Variants in PPM1L observed in about 807,000 individuals in gnomAD.
The protein encoded by PPM1L is protein phosphatase, Mg2+/Mn2+ dependent 1L, also known as protein phosphatase 1L.
In PPM1L, 13 loss-of-function variants were observed where a neutral mutation model predicts 31.4. The observed-to-expected ratio is 0.41, with a 90% confidence interval of 0.27 to 0.66. PPM1L has a LOEUF of 0.66. PPM1L is among the 30% of genes least tolerant of loss of function. The pLI is 0.29. For synonymous variants in PPM1L, 184 were observed against 175.4 expected (o/e 1.05, Z -0.39); for missense variants, 326 against 453.7 (o/e 0.72, Z 2.56).
intron 2 of PPM1L, among the ~76,000 whole-genome samples, chr3:161,001,959 G>T (rs950208573): frequency 1.3e-5 from 2 of 151,702 alleles, no homozygotes; most frequent in African/African-American, 4.8e-5. Context: ...CTAGCATTAG[G>T]TATATCTCCC....
intron 1 of PPM1L, among the ~76,000 whole-genome samples, chr3:160,776,604 CTTTT>C (rs72051944): frequency 3.0e-5 from 4 of 132,954 alleles, no homozygotes; most frequent in Non-Finnish European, 3.2e-5. Context: ...ACCTTGGTGC[CTTTT>C]TTTTTTTTTT....
At chr3:160,873,120 G>C (rs1307595901) in intron 1 of PPM1L, among the ~76,000 whole-genome samples, 1 of 152,090 alleles carries the variant, frequency 6.6e-6, no homozygotes, top group Non-Finnish European at 1.5e-5. Context: ...CAGTTACCTT[G>C]GCATGGACTC....
chr3:160,867,633 C>G (rs80258500), intron 1 of PPM1L, among the ~76,000 whole-genome samples: 1 of 151,892 alleles, frequency 6.6e-6, no homozygotes, highest in Non-Finnish European at 1.5e-5. Flanking sequence ...AACTGTAAAC[C>G]TCAAGTTTTT....
intron 1 of PPM1L, among the ~76,000 whole-genome samples, chr3:160,916,917 T>C (rs765562228): frequency 5.3e-5 from 8 of 152,194 alleles, no homozygotes; most frequent in Non-Finnish European, 1.0e-4. Flanking sequence ...TCAAACTCTT[T>C]TTCTGCCAGT....
At chr3:160,950,156 T>C (rs1715536281) in intron 1 of PPM1L, among the ~76,000 whole-genome samples, 1 of 152,240 alleles carries the variant, frequency 6.6e-6, no homozygotes, top group South Asian at 2.1e-4. Flanking sequence ...TACACTCCAT[T>C]CCCAGGAGTC....
intron 1 of PPM1L, among the ~76,000 whole-genome samples, chr3:160,773,373 G>C (rs1397961075): frequency 7.7e-6 from 1 of 129,844 alleles, no homozygotes; most frequent in Non-Finnish European, 1.6e-5. Context: ...CCTATAATGA[G>C]TGAAAAGAGA....
chr3:160,924,991 A>G (rs1004349788), intron 1 of PPM1L, among the ~76,000 whole-genome samples: 3 of 152,236 alleles, frequency 2.0e-5, no homozygotes, highest in Non-Finnish European at 2.9e-5. Context: ...CTTAGCAAAA[A>G]TATGTAAAAA....
intron 2 of PPM1L, among the ~76,000 whole-genome samples, chr3:160,971,679 G>GT (rs1716346642): frequency 6.6e-6 from 1 of 152,146 alleles, no homozygotes; most frequent in African/African-American, 2.4e-5. Flanking sequence ...ATAATGCCTT[G>GT]TTTTCTTCTT....
At chr3:160,821,953 A>C (rs1193368887) in intron 1 of PPM1L, among the ~76,000 whole-genome samples, 2 of 151,996 alleles carry the variant, frequency 1.3e-5, no homozygotes, top group Admixed American at 1.3e-4. Flanking sequence ...AATTATCTTG[A>C]TAGTCTAAGG....
chr3:161,046,155 T>C (rs1055592332), intron 2 of PPM1L, among the ~76,000 whole-genome samples: 5 of 144,448 alleles, frequency 3.5e-5, no homozygotes, highest in African/African-American at 1.3e-4. Flanking sequence ...CAGGAGCTGG[T>C]TTTTTGAAAA....
chr3:160,786,147 C>CTG (rs1560106654), intron 1 of PPM1L, among the ~76,000 whole-genome samples: 1 of 91,176 alleles, frequency 1.1e-5, no homozygotes, highest in Non-Finnish European at 1.9e-5. Flanking sequence ...CTCTCTCTCT[C>CTG]TCTCTCTCTC....
chr3:160,772,896 ATATTTCATTCATTTT>A (rs1363588041), intron 1 of PPM1L, among the ~76,000 whole-genome samples: 3 of 152,136 alleles, frequency 2.0e-5, no homozygotes, highest in African/African-American at 7.2e-5. Context: ...CCACTTATCA[ATATTTCATTCATTTT>A]TATTGCTGAA....
rs1427607963 is a variant in PPM1L, at chr3:160,844,698, GGTT to G, written c.399+87992_399+87994del. Among the ~76,000 whole-genome samples the G allele has an allele frequency of 9.0e-4, 137 of 151,992 alleles. 3 individuals carry two copies. The South Asian group carries it at 0.027, about 30-fold the overall frequency. On this transcript the variant is annotated intron_variant, in intron 1 of 3. Coordinates refer to ENST00000498165, the MANE Select transcript of PPM1L (RefSeq NM_139245.4). ...TCTGAGAACTGTTTGTCTAGCCCTA[GGTT>G]ATGAAAATTTTTTCTATGTTTTTTA...
chr3:161,033,840 A>G (rs1718654334), intron 2 of PPM1L, among the ~76,000 whole-genome samples: 1 of 152,220 alleles, frequency 6.6e-6, no homozygotes, highest in South Asian at 2.1e-4. Context: ...AAACTGACAA[A>G]TAAGATATAA....
chr3:161,058,118 CTTTTT>C lies in PPM1L; in HGVS notation c.575-7265_575-7261del, dbSNP rs1186931971. ...TTAGTAGGGTCCATCATTTTCTTTC[CTTTTT>C]TTTTTTTTTTTTTTTTTTTGACGCA... On this transcript the variant is annotated intron_variant, in intron 2 of 3. Coordinates refer to ENST00000498165, the MANE Select transcript of PPM1L (RefSeq NM_139245.4). Among the ~76,000 whole-genome samples, 24 of 54,926 alleles carry C rather than the reference CTTTTT, an allele frequency of 4.4e-4. 1 individual carries two copies. Among genetic ancestry groups the C allele is most frequent in the Non-Finnish European group, 6.4e-4 (18 of 28,192 alleles). 36.0% of individuals were successfully genotyped at this position (54,926 alleles called of 152,430 possible).
At chr3:160,973,327 T>C (rs1321677528) in intron 2 of PPM1L, among the ~76,000 whole-genome samples, 3 of 152,224 alleles carry the variant, frequency 2.0e-5, no homozygotes, top group Non-Finnish European at 4.4e-5. Flanking sequence ...AAAGGAAATG[T>C]GTATACTTCA....
chr3:161,050,126 G>A (rs1719224863), intron 2 of PPM1L, among the ~76,000 whole-genome samples: 1 of 152,204 alleles, frequency 6.6e-6, no homozygotes, highest in Non-Finnish European at 1.5e-5. Flanking sequence ...GGCGTTCCCT[G>A]TTCCTTCTGA....
At chr3:160,842,339 A>G in intron 1 of PPM1L, 1 of 701,212 alleles carries the variant, frequency 1.4e-6, no homozygotes, top group Non-Finnish European at 2.6e-6. Context: ...GATGGGGGGT[A>G]ATGAATAATG....
chr3:161,057,299 A>T (rs554268988), intron 2 of PPM1L, among the ~76,000 whole-genome samples: 1 of 152,196 alleles, frequency 6.6e-6, no homozygotes, highest in South Asian at 2.1e-4. Context: ...ACATGACCTT[A>T]AAGAAATACC....
Sources: allele counts gnomAD v4.1 joint callset (sites outside exome capture counted in the v4.1 genomes callset), GRCh38; gene constraint gnomAD v4.1.1; transcripts MANE v1.5; gene names NCBI Gene and HGNC (gene_info 2026-07-23, HGNC 2026-07-21).